The following SHPRH variants were observed in gnomAD, a reference collection of about 807,000 sequenced individuals.
SHPRH encodes SNF2 histone linker PHD RING helicase.
SHPRH carries 106 observed loss-of-function variants against 202.5 expected under a neutral mutation model. That is an observed-to-expected ratio of 0.52 (90% CI 0.45 to 0.62). The LOEUF is 0.62. Among genes scored for constraint, SHPRH ranks in the 20% least tolerant of loss-of-function variants. The pLI is 0.00. For synonymous variants in SHPRH, 729 were observed against 686.0 expected, an observed-to-expected ratio of 1.06 and a Z score of -0.98; for missense variants, 1,710 against 2,020.0, an observed-to-expected ratio of 0.85 and a Z score of 2.94.
chr6:145,934,843 T>C lies in SHPRH; in HGVS notation c.2990+64A>G, dbSNP rs1288854049. On this transcript the variant is annotated intron_variant, in intron 13 of 29. Transcript: ENST00000275233. ...AGTTACATGTCTCTGAATGAAACCGTGGGCCTGAAATATTGTCTATTATGA... is the reference window on the plus strand; with the variant it reads ...AGTTACATGTCTCTGAATGAAACCGCGGGCCTGAAATATTGTCTATTATGA... The C allele has an allele frequency of 5.5e-6, 8 of 1,463,152 alleles. No individual in the cohort carries two copies. The African/African-American group carries it at 8.5e-5, about 15-fold the overall frequency. The allele number at this position is 1,463,152 out of a possible 1,614,324, so 90.6% of individuals were successfully genotyped here.
intron 23 of SHPRH, among the ~76,000 whole-genome samples, chr6:145,915,115 A>G (rs1195849607): frequency 6.8e-6 from 1 of 147,546 alleles, no homozygotes; most frequent in Non-Finnish European, 1.5e-5. Flanking sequence ...ATAAATTTAT[A>G]ATAAAATATA....
downstream of SHPRH, among the ~76,000 whole-genome samples, chr6:145,882,547 AAC>A (rs1372730452): frequency 6.6e-6 from 1 of 152,210 alleles, no homozygotes; most frequent in Non-Finnish European, 1.5e-5. Flanking sequence ...TCCTGTTTAA[AAC>A]ACAGATTTGC....
At chr6:145,868,736 A>T (rs529012862) in intron 2 of SHPRH, among the ~76,000 whole-genome samples, 4 of 152,348 alleles carry the variant, frequency 2.6e-5, no homozygotes, top group Non-Finnish European at 4.4e-5. Context: ...GTACAGCCTC[A>T]GCCGTCAATT....
rs151090392 is a variant in SHPRH at position 145,923,904 on chromosome 6, G to T, written c.3403-119C>A. The T allele has an allele frequency of 1.8e-4, 176 of 975,102 alleles. No homozygotes were observed. The East Asian group carries it at 4.5e-3, about 25-fold the overall frequency. The allele number at this position is 975,102 out of a possible 1,614,324, so 60.4% of individuals were successfully genotyped here. ...AAGTAATAAATGCTATTCTCAAAGG[G>T]ACTATCACAGAGGGGAGACGAGTAT... On this transcript the variant is annotated intron_variant, in intron 17 of 29. Coordinates refer to ENST00000275233, the MANE Select transcript of SHPRH (RefSeq NM_001042683.3).
chr6:145,942,793 G>T (rs1443066170), intron 9 of SHPRH, among the ~76,000 whole-genome samples: 4 of 152,158 alleles, frequency 2.6e-5, no homozygotes, highest in African/African-American at 4.8e-5. Flanking sequence ...TGGCAGATCA[G>T]ATAAGTAGCT....
chr6:145,888,649 G>T (rs1293979466), intron 28 of SHPRH, among the ~76,000 whole-genome samples: 1 of 152,132 alleles, frequency 6.6e-6, no homozygotes. Flanking sequence ...GGAAGCCCTT[G>T]GTGGGTTTGT....
intron 1 of SHPRH, among the ~76,000 whole-genome samples, chr6:145,958,837 A>G (rs1788771493): frequency 6.6e-6 from 1 of 151,968 alleles, no homozygotes; most frequent in South Asian, 2.1e-4. Context: ...GCATTTATTT[A>G]TTTATTTATT....
intron 24 of SHPRH, 148 bp downstream of exon 24, chr6:145,913,330 T>G (rs2128740270): frequency 3.3e-6 from 2 of 606,546 alleles, no homozygotes; most frequent in East Asian, 6.5e-5. Flanking sequence ...GCACGTCACC[T>G]AACCTCTAGT....
intron 2 of SHPRH, among the ~76,000 whole-genome samples, chr6:145,867,631 T>TATATATATAGAGAGAGAGAGAGAG (rs1554220329): frequency 9.0e-5 from 2 of 22,314 alleles, no homozygotes; most frequent in Non-Finnish European, 1.5e-4. Flanking sequence ...TATATATATA[T>TATATATATAGAGAGAGAGAGAGAG]AGAGAGAGAG....
In SHPRH at chr6:145,886,532, A is replaced by AT; in HGVS notation, c.*158dup. ...GAAACAGTATATTGAAAAGGACTCA[A>AT]TAAGTACTAAGCCACTGTATAACCA... On this transcript the variant is annotated 3_prime_UTR_variant, in exon 30 of 30. Coordinates refer to ENST00000275233, the MANE Select transcript of SHPRH (RefSeq NM_001042683.3). The AT allele has an allele frequency of 7.6e-7, 1 of 1,319,716 alleles. No individual in the cohort carries two copies. The highest frequency in any genetic ancestry group is 1.4e-5 in the South Asian group (1 of 72,170). The allele number at this position is 1,319,716 out of a possible 1,614,324, so 81.8% of individuals were successfully genotyped here.
chr6:145,948,556 T>G lies in SHPRH; in HGVS notation c.983-206A>C, dbSNP rs149939192. On this transcript the variant is annotated intron_variant, in intron 4 of 29. Coordinates refer to ENST00000275233, the MANE Select transcript of SHPRH (RefSeq NM_001042683.3). ...TATTTCCTTTCTTCTGATATTACTC[T>G]TTAGCTCCCTTTGTTTTGGGCACAA... Among the ~76,000 whole-genome samples, 90 of 152,150 alleles carry G rather than the reference T, an allele frequency of 5.9e-4. 1 individual carries two copies. Among genetic ancestry groups the G allele is most frequent in the African/African-American group, 2.0e-3 (83 of 41,530 alleles).
In SHPRH at chr6:145,947,532, A is replaced by C. The variant is rs774888533; in HGVS notation, c.1173T>G (p.Thr391=). The change falls in exon 6 of 30, where the codon ACT becomes ACG. Residue 391 remains threonine (T), a synonymous_variant. Coordinates refer to ENST00000275233, the MANE Select transcript of SHPRH (RefSeq NM_001042683.3). ...GAGCATCTTGCTTGACATCTTGTCG[A>C]GTATGTGTCAGAATCAGAGCCAAAA... ...VEVLALILTH[T]RQDVKQDALT... is the part of the protein sequence containing the mutation. 5.9e-5 allele frequency: 95 copies of C among 1,612,828 alleles called. No individual in the cohort carries two copies. Among genetic ancestry groups the C allele is most frequent in the Admixed American group, 1.0e-4 (6 of 59,864 alleles).
At chr6:145,926,029 C>T (rs1014207129) in intron 16 of SHPRH, among the ~76,000 whole-genome samples, 175 bp downstream of exon 16, 1 of 151,904 alleles carries the variant, frequency 6.6e-6, no homozygotes. Context: ...CCAAATAATA[C>T]GTACTGCTGC....
At chr6:145,926,139 A>G (rs2128753852) in intron 16 of SHPRH, 65 bp downstream of exon 16, 4 of 1,354,204 alleles carry the variant, frequency 3.0e-6, no homozygotes, top group South Asian at 1.2e-5. Context: ...AGGATATATC[A>G]ACTATATGGA....
Position 145,941,634 on chromosome 6 carries a change from G to A in SHPRH, c.2479C>T (p.Pro827Ser). ...GCAGAAACTCTCACTTTTACTGTGG[G>A]ACACTCAACCATCTGAGCTTCATCA... ...CLDEAQMVEC[P>S]TVKAAEMAQR... Residue 827 changes from proline (P) to serine (S), a missense_variant, in exon 10 of 30, where the codon CCC (proline) becomes TCC (serine). This residue lies in a region of SHPRH where 277 missense variants were observed against 363.0 expected (regional missense o/e 0.76). Transcript: ENST00000275233. 6.2e-7 allele frequency: 1 copy of A among 1,613,686 alleles called. No individual in the cohort carries two copies. The highest frequency in any genetic ancestry group is 1.3e-5 in the African/African-American group (1 of 74,982).
Position 145,888,021 on chromosome 6 carries a change from T to A in SHPRH, c.4954A>T (p.Ser1652Cys). ...TACTTGTGGTAAATTATTACCTACC[T>A]TCTCTCAGCAGTTTTCAGCATTGCC... is the stretch of plus-strand genomic sequence containing the variant. ...MQAMLKTAER[S>C]HTNSSAKHSE... The change falls in exon 29 of 30, where the codon AGT (serine) becomes TGT (cysteine). Residue 1652 changes from serine (S) to cysteine (C), a missense_variant and splice_region_variant. By Grantham distance (112) the Ser-to-Cys change is moderately radical (BLOSUM62 -1). This residue lies in a region of SHPRH where 306 missense variants were observed against 479.5 expected (regional missense o/e 0.64). Coordinates refer to ENST00000275233, the MANE Select transcript of SHPRH (RefSeq NM_001042683.3). 1 of 1,609,748 alleles carries A rather than the reference T, an allele frequency of 6.2e-7. No individual in the cohort carries two copies. Among genetic ancestry groups the A allele is most frequent in the Non-Finnish European group, 8.5e-7 (1 of 1,176,354 alleles).
intron 2 of SHPRH, 46 bp downstream of exon 2, chr6:145,954,644 C>A: frequency 6.6e-7 from 1 of 1,519,070 alleles, no homozygotes; most frequent in Non-Finnish European, 8.8e-7. Context: ...AATTGGACTG[C>A]CAATGTAGAA....
intron 2 of SHPRH, among the ~76,000 whole-genome samples, chr6:145,873,453 TTAA>T (rs913223897): frequency 2.0e-5 from 3 of 152,174 alleles, no homozygotes; most frequent in African/African-American, 7.2e-5. Context: ...CAACTTCCAG[TTAA>T]TAAGTTCACT....
In SHPRH at chr6:145,924,794, T is replaced by A. The variant is rs780037255; in HGVS notation, c.3347A>T (p.Glu1116Val). ...YMSKCNTEVA[E>V]AQQALYPVQQ... ...CACAGGATATAAAGCTTGCTGGGCT[T>A]CAGCAACTTCTGTATTACACTTGCT... Residue 1116 changes from glutamate (E) to valine (V), a missense_variant, in exon 17 of 30, where the codon GAA (glutamate) becomes GTA (valine). By Grantham distance (121) the Glu-to-Val change is moderately radical. Coordinates refer to ENST00000275233, the MANE Select transcript of SHPRH (RefSeq NM_001042683.3). 1.2e-6 allele frequency: 2 copies of A among 1,611,932 alleles called. No homozygotes were observed. The highest frequency in any genetic ancestry group is 2.2e-5 in the South Asian group (2 of 90,982).
Sources: gnomAD v4.1 joint callset for allele counts (sites outside exome capture counted in the v4.1 genomes callset) on GRCh38, gnomAD v4.1.1 for gene constraint, gnomAD v4.1.1 regional missense constraint, MANE v1.5 for transcripts, NCBI Gene and HGNC (gene_info 2026-07-23, HGNC 2026-07-21) for gene names.